The following TECPR2 variants were observed in gnomAD, a reference collection of about 807,000 sequenced individuals.
TECPR2 encodes the protein tectonin beta-propeller repeat containing 2.
Under a neutral mutation model 138.1 loss-of-function variants are expected in TECPR2, and 65 were observed. That is an observed-to-expected ratio of 0.47 (90% CI 0.39 to 0.58). The LOEUF (loss-of-function observed/expected upper bound fraction) is 0.58. Among genes scored for constraint, TECPR2 ranks in the 20% least tolerant of loss-of-function variants. The pLI, the probability that TECPR2 is intolerant of heterozygous loss-of-function variation, is 0.00. For missense variants in TECPR2, 1,553 were observed against 1,824.5 expected, an observed-to-expected ratio of 0.85 and a Z score of 2.71; for synonymous variants, 746 against 749.8, an observed-to-expected ratio of 0.99 and a Z score of 0.08.
intron 7 of TECPR2, among the ~76,000 whole-genome samples, chr14:102,428,654 C>T (rs567390974): frequency 2.0e-5 from 3 of 151,596 alleles, no homozygotes; most frequent in Non-Finnish European, 2.9e-5. Context: ...CTCAAGTACT[C>T]GGGAGGCTGA....
chr14:102,442,493 A>G (rs1161834580), intron 11 of TECPR2, among the ~76,000 whole-genome samples: 1 of 152,222 alleles, frequency 6.6e-6, no homozygotes, highest in East Asian at 1.9e-4. Flanking sequence ...TGCACATCTA[A>G]GCTGCCAGGA....
At chr14:102,407,778 C>CGAGGTCAG (rs1888704233) in intron 3 of TECPR2, among the ~76,000 whole-genome samples, 1 of 152,078 alleles carries the variant, frequency 6.6e-6, no homozygotes, top group Non-Finnish European at 1.5e-5. Flanking sequence ...AGGCAGATCA[C>CGAGGTCAG]GAGGTCAGGA....
intron 7 of TECPR2, among the ~76,000 whole-genome samples, chr14:102,430,524 T>C (rs1889442359): frequency 6.6e-6 from 1 of 152,226 alleles, no homozygotes; most frequent in Non-Finnish European, 1.5e-5. Context: ...TGGACTGCCA[T>C]GTCCCAGCAG....
At chr14:102,466,959 T>C (rs1890559643) in intron 17 of TECPR2, among the ~76,000 whole-genome samples, 1 of 152,246 alleles carries the variant, frequency 6.6e-6, no homozygotes. Context: ...CTTTGTATCA[T>C]GTTTCGGAGT....
intron 17 of TECPR2, among the ~76,000 whole-genome samples, chr14:102,487,760 C>A (rs1197345949): frequency 6.6e-6 from 1 of 151,628 alleles, no homozygotes; most frequent in Non-Finnish European, 1.5e-5. Context: ...CCAGGATGGT[C>A]TCAATCTCCT....
chr14:102,477,803 C>G (rs1406738391), intron 17 of TECPR2, among the ~76,000 whole-genome samples: 4 of 135,276 alleles, frequency 3.0e-5, no homozygotes, highest in Admixed American at 7.7e-5. Flanking sequence ...GGCGTGGTGG[C>G]GGGCGCCTGT....
rs1261097597 is a variant in TECPR2 at position 102,438,094 on chromosome 14, A to T, written c.2467A>T (p.Ile823Phe). The change falls in exon 10 of 20, where the codon ATC becomes TTC. Residue 823 changes from isoleucine (I) to phenylalanine (F), a missense_variant. Transcript: ENST00000359520. Reference sequence around the variant, plus strand: ...CAGCTTGGTGGTCTCCGAGAAGTATATCTGGTGCCTGGACTACAAAGGCGG... The same window carrying T: ...CAGCTTGGTGGTCTCCGAGAAGTATTTCTGGTGCCTGGACTACAAAGGCGG... ...ILSLVVSEKY[I>F]WCLDYKGGLF... The T allele has an allele frequency of 6.2e-7, 1 of 1,614,104 alleles. No homozygotes were observed. The highest frequency in any genetic ancestry group is 8.5e-7 in the Non-Finnish European group (1 of 1,180,022).
At chr14:102,371,743 A>G (rs554163347) in intron 1 of TECPR2, among the ~76,000 whole-genome samples, 31 of 152,154 alleles carry the variant, frequency 2.0e-4, no homozygotes, top group Admixed American at 1.9e-3. Flanking sequence ...GTTGTTTTTG[A>G]TGGCAAAATT....
chr14:102,460,097 C>T (rs1274352949), intron 16 of TECPR2, among the ~76,000 whole-genome samples: 1 of 151,846 alleles, frequency 6.6e-6, no homozygotes. Flanking sequence ...ATAGCAAAAC[C>T]CTGTCTCTAC....
chr14:102,448,713 A>G (rs1290228564), intron 13 of TECPR2, among the ~76,000 whole-genome samples: 1 of 152,024 alleles, frequency 6.6e-6, no homozygotes, highest in Non-Finnish European at 1.5e-5. Context: ...TAAAAATATA[A>G]AAAATTAGCC....
chr14:102,465,158 A>C lies in TECPR2; in HGVS notation c.3658A>C (p.Ser1220Arg), dbSNP rs1188634643. The C allele has an allele frequency of 1.9e-6, 3 of 1,614,118 alleles. No homozygotes were observed. The highest frequency in any genetic ancestry group is 2.5e-6 in the Non-Finnish European group (3 of 1,180,050). Residue 1220 changes from serine to arginine, a missense_variant, in exon 17 of 20, where the codon AGC becomes CGC. Coordinates refer to ENST00000359520, the MANE Select transcript of TECPR2 (RefSeq NM_014844.5). ...ATCTACAGGAGCTGTAAAATTGACA[A>C]GCTTGGCATGTGGAAATCAGCACAT... ...LSQLGAVKLT[S>R]LACGNQHIWA...
intron 13 of TECPR2, among the ~76,000 whole-genome samples, chr14:102,448,902 C>A (rs1379927891): frequency 6.6e-6 from 1 of 151,844 alleles, no homozygotes; most frequent in East Asian, 1.9e-4. Context: ...CTTGTGATAC[C>A]TTTTTAGATG....
chr14:102,479,301 C>T (rs1305553372), intron 17 of TECPR2, among the ~76,000 whole-genome samples: 1 of 152,158 alleles, frequency 6.6e-6, no homozygotes, highest in Non-Finnish European at 1.5e-5. Context: ...CTTGGGAGGA[C>T]TGTCTGCTGC....
chr14:102,487,085 G>A (rs1891044589), intron 17 of TECPR2, among the ~76,000 whole-genome samples: 1 of 152,216 alleles, frequency 6.6e-6, no homozygotes, highest in Admixed American at 6.5e-5. Context: ...CTCAGCATGT[G>A]TCAGTCTTTA....
chr14:102,492,794 G>A (rs978471245), intron 17 of TECPR2, among the ~76,000 whole-genome samples: 2 of 152,348 alleles, frequency 1.3e-5, no homozygotes, highest in East Asian at 3.9e-4. Flanking sequence ...GACTGGCAAG[G>A]CCAGGGTGAG....
intron 16 of TECPR2, among the ~76,000 whole-genome samples, chr14:102,459,498 G>A (rs1311660506): frequency 2.0e-5 from 3 of 152,132 alleles, no homozygotes; most frequent in East Asian, 1.9e-4. Flanking sequence ...AAAACTTGTC[G>A]GCCAGGCATG....
chr14:102,501,917 G>A lies in TECPR2; in HGVS notation c.*3660G>A, dbSNP rs541831286. 6.6e-6 allele frequency: 1 copy of A among 152,346 alleles called. No homozygotes were observed. Among genetic ancestry groups the A allele is most frequent in the East Asian group, 1.9e-4 (1 of 5,188 alleles). The allele number at this position is 152,346 out of a possible 1,614,324, so 9.4% of individuals were successfully genotyped here. A position where few individuals can be genotyped will look rare whatever the true frequency, so the allele number is the denominator to read the frequency against. On this transcript the variant is annotated 3_prime_UTR_variant, in exon 20 of 20. Coordinates refer to ENST00000359520, the MANE Select transcript of TECPR2 (RefSeq NM_014844.5). ...GGAGCAGCTTGGGAGCCCCCCATTG[G>A]CGCCGCCCTACTGGGGAAGCCGGTC...
At chr14:102,496,283 C>T (rs934619747) in intron 17 of TECPR2, among the ~76,000 whole-genome samples, 13 of 152,200 alleles carry the variant, frequency 8.5e-5, no homozygotes, top group Non-Finnish European at 1.3e-4. Context: ...CCAGATCCTC[C>T]AGACAGTGCT....
intron 17 of TECPR2, among the ~76,000 whole-genome samples, chr14:102,489,215 C>T (rs546428421): frequency 6.6e-6 from 1 of 152,148 alleles, no homozygotes; most frequent in South Asian, 2.1e-4. Context: ...TCAAGAAAGC[C>T]CCTAGCAATG....
Sources: gnomAD v4.1 joint callset for allele counts (sites outside exome capture counted in the v4.1 genomes callset) on GRCh38, gnomAD v4.1.1 for gene constraint, MANE v1.5 for transcripts, NCBI Gene and HGNC (gene_info 2026-07-23, HGNC 2026-07-21) for gene names.